Variants in SELENON observed in about 807,000 individuals in gnomAD.
The protein encoded by SELENON is selenoprotein N, 1.
Under a neutral mutation model 59.5 loss-of-function variants are expected in SELENON, and 44 were observed. The observed-to-expected ratio is 0.74, with a 90% CI of 0.58 to 0.95. SELENON has a LOEUF of 0.95. Ranked by LOEUF, SELENON falls within the 40% of genes least tolerant of loss-of-function variation. The pLI is 0.00. For synonymous variants in SELENON, 320 were observed against 305.6 expected, an observed-to-expected ratio of 1.05 and a Z score of -0.49; for missense variants, 674 against 721.4, an observed-to-expected ratio of 0.93 and a Z score of 0.75.
rs148071754 is a variant in SELENON, at chr1:25,811,541, C to T, written c.1092+6C>T. The T allele has an allele frequency of 3.2e-5, 52 of 1,613,616 alleles. No homozygotes were observed. Among genetic ancestry groups the T allele is most frequent in the Non-Finnish European group, 4.2e-5 (49 of 1,179,722 alleles). On this transcript the variant is annotated splice_donor_region_variant and intron_variant, in intron 8 of 12. Coordinates refer to ENST00000361547, the MANE Select transcript of SELENON (RefSeq NM_020451.3). Reference sequence around the variant, plus strand: ...ACATCGGCTACATACCCCAGGTGAGCGCACAGGAGGCTCCCATCCAGGTGG... The same window carrying T: ...ACATCGGCTACATACCCCAGGTGAGTGCACAGGAGGCTCCCATCCAGGTGG...
intron 3 of SELENON, among the ~76,000 whole-genome samples, chr1:25,804,117 G>C (rs1362231818): frequency 1.3e-5 from 2 of 152,118 alleles, no homozygotes; most frequent in African/African-American, 4.8e-5. Context: ...TTGCGTTTTG[G>C]AAAGTTTTAC....
Position 25,808,927 on chromosome 1 carries a change from T to C in SELENON, c.748-99T>C, listed in dbSNP as rs1014375125. On this transcript the variant is annotated intron_variant, in intron 5 of 12. Transcript: ENST00000361547. ...TTCCTCTGGACCTGCCCCCTCCCCA[T>C]GGGGCCCCTGGGCCGTCGGGTCTGG... 72 of 1,597,098 alleles carry C rather than the reference T, an allele frequency of 4.5e-5. 1 individual carries two copies. The South Asian group carries it at 6.2e-4, about 14-fold the overall frequency.
Position 25,808,724 on chromosome 1 carries a change from C to CTGAGCAT in SELENON, c.683_689dup (p.Met230IlefsTer?), listed in dbSNP as rs1553120055. On this transcript the variant is annotated frameshift_variant, in exon 5 of 13. Coordinates refer to ENST00000361547, the MANE Select transcript of SELENON (RefSeq NM_020451.3). LOFTEE classifies it high-confidence loss of function. ...GCCCTGGTGGATCATCCCCAGTGAG[C>CTGAGCAT]TGAGCATGTTCACTGGCTACCTGTC... 4 of 1,614,118 alleles carry CTGAGCAT rather than the reference C, an allele frequency of 2.5e-6. No individual in the cohort carries two copies. Among genetic ancestry groups the CTGAGCAT allele is most frequent in the Non-Finnish European group, 2.5e-6 (3 of 1,179,996 alleles).
chr1:25,812,564 A>AACACACAC lies in SELENON; in HGVS notation c.1282-88_1282-81dup, dbSNP rs59333545. The AACACACAC allele has an allele frequency of 0.055, 31,378 of 568,620 alleles. 466 individuals are homozygous for AACACACAC. The highest frequency in any genetic ancestry group is 0.14 in the East Asian group (4,305 of 31,398). 35.2% of individuals were successfully genotyped at this position (568,620 alleles called of 1,614,324 possible). On this transcript the variant is annotated intron_variant, in intron 9 of 12. Coordinates refer to ENST00000361547, the MANE Select transcript of SELENON (RefSeq NM_020451.3). ...ACACAAATATATATGCCTACACACA[A>AACACACAC]ACACACACACACACACACACACACA...
Position 25,800,213 on chromosome 1 carries a change from C to A in SELENON, c.-18C>A. 2 of 631,500 alleles carry A rather than the reference C, an allele frequency of 3.2e-6. No individual in the cohort carries two copies. Among genetic ancestry groups the A allele is most frequent in the Non-Finnish European group, 3.9e-6 (2 of 509,316 alleles). 39.1% of individuals were successfully genotyped at this position (631,500 alleles called of 1,614,324 possible). ...CTTTCGCTTCCCGGGCCGCCGGCAG[C>A]CGCCGCCAGCCGCAGCCATGGGCCG... On this transcript the variant is annotated 5_prime_UTR_variant, in exon 1 of 13. Transcript: ENST00000361547.
In SELENON at chr1:25,808,580, G is replaced by A. The variant is rs751053087; in HGVS notation, c.538G>A (p.Val180Ile). The stretch of plus-strand genomic sequence containing the variant: ...GGAGCTTTGCTTTCCCCCGCCCCAG[G>A]TCTCCCGCCTCGCCCTGTCCGGCCT... The change falls in exon 5 of 13, where the codon GTC becomes ATC. Residue 180 changes from valine (V) to isoleucine (I), a missense_variant and splice_region_variant. Coordinates refer to ENST00000361547, the MANE Select transcript of SELENON (RefSeq NM_020451.3). 6.2e-7 allele frequency: 1 copy of A among 1,613,360 alleles called. No individual in the cohort carries two copies. Among genetic ancestry groups the A allele is most frequent in the Middle Eastern group, 1.7e-4 (1 of 5,924 alleles).
intron 4 of SELENON, among the ~76,000 whole-genome samples, chr1:25,806,825 T>TTC (rs1405851651): frequency 4.0e-5 from 6 of 148,274 alleles, no homozygotes; most frequent in African/African-American, 1.5e-4. Context: ...CTTTCTTTTT[T>TTC]TTTTTTTTTT....
chr1:25,810,831 T>A (rs1297772614), intron 7 of SELENON, among the ~76,000 whole-genome samples: 1 of 152,042 alleles, frequency 6.6e-6, no homozygotes. Context: ...ATCGCAGGGT[T>A]GTTGAGGAGG....
chr1:25,811,328 G>A, intron 7 of SELENON, 126 bp from the exon 7 acceptor site: 1 of 883,300 alleles, frequency 1.1e-6, no homozygotes. Context: ...GAGAGCAGGT[G>A]TTCACCTTGA....
At chr1:25,808,483 C>A in intron 4 of SELENON, 97 bp from the exon 4 acceptor site, 1 of 1,428,162 alleles carries the variant, frequency 7.0e-7, no homozygotes, top group Non-Finnish European at 9.8e-7. Flanking sequence ...TTGGTGTGGG[C>A]TGGCTCGGGG....
At position 25,817,357 on chromosome 1, in the gene SELENON, GGT is replaced by G; in HGVS notation, c.*1641_*1642del. 1 of 152,408 alleles carries G rather than the reference GGT, an allele frequency of 6.6e-6. No individual in the cohort carries two copies. Among genetic ancestry groups the G allele is most frequent in the Non-Finnish European group, 1.5e-5 (1 of 68,122 alleles). The allele number at this position is 152,408 out of a possible 1,614,324, so 9.4% of individuals were successfully genotyped here. A position where few individuals can be genotyped will look rare whatever the true frequency, so the allele number is the denominator to read the frequency against. Reference sequence around the variant, plus strand: ...AGCCTCCCGAGTAGCTGGGATTACAGGTGCATGCCACCATGGCTGGCTAATTT... The same window carrying G: ...AGCCTCCCGAGTAGCTGGGATTACAGGCATGCCACCATGGCTGGCTAATTT... On this transcript the variant is annotated 3_prime_UTR_variant, in exon 13 of 13. Coordinates refer to ENST00000361547, the MANE Select transcript of SELENON (RefSeq NM_020451.3).
At chr1:25,803,718 T>G (rs200232438) in intron 3 of SELENON, among the ~76,000 whole-genome samples, 5 of 131,042 alleles carry the variant, frequency 3.8e-5, no homozygotes, top group Non-Finnish European at 8.8e-5. Flanking sequence ...GTTTTTTTGT[T>G]TTTTTTTTTG....
chr1:25,802,893 A>G (rs1177000944), intron 3 of SELENON, among the ~76,000 whole-genome samples: 1 of 152,182 alleles, frequency 6.6e-6, no homozygotes, highest in African/African-American at 2.4e-5. Context: ...TCAGTCATTG[A>G]TGGGAAAGGC....
In SELENON at chr1:25,808,746, T is replaced by C. The variant is rs755277779; in HGVS notation, c.704T>C (p.Leu235Pro). ...GAGCTGAGCATGTTCACTGGCTACC[T>C]GTCCAACAACCGCTTCTATCCACCG... Residue 235 changes from leucine (L) to proline (P), a missense_variant, in exon 5 of 13, where the codon CTG (leucine) becomes CCG (proline). Coordinates refer to ENST00000361547, the MANE Select transcript of SELENON (RefSeq NM_020451.3). 2.5e-6 allele frequency: 4 copies of C among 1,613,996 alleles called. No homozygotes were observed. The East Asian group carries it at 6.7e-5, about 27-fold the overall frequency.
chr1:25,805,419 C>G, intron 4 of SELENON, 144 bp downstream of exon 3: 1 of 1,126,572 alleles, frequency 8.9e-7, no homozygotes, highest in Admixed American at 1.9e-5. Flanking sequence ...GTTGTCCCTG[C>G]TGTCCAGGCA....
Position 25,814,114 on chromosome 1 carries a change from G to C in SELENON, c.1538G>C (p.Gly513Ala), listed in dbSNP as rs777697390. 1.2e-6 allele frequency: 2 copies of C among 1,614,172 alleles called. No individual in the cohort carries two copies. The highest frequency in any genetic ancestry group is 2.2e-5 in the South Asian group (2 of 91,084). Residue 513 changes from glycine (G) to alanine (A), a missense_variant, in exon 12 of 13, where the codon GGC (glycine) becomes GCC (alanine). Transcript: ENST00000361547. ...AACTCGTCCCACCAGAAGCTGGCTG[G>C]CCTGCACCTGGAGAAGTACAGCTTC...
At chr1:25,808,820 C>G in intron 5 of SELENON, 31 bp downstream of exon 4, 14 of 1,612,412 alleles carry the variant, frequency 8.7e-6, no homozygotes, top group Non-Finnish European at 1.1e-5. Context: ...ACGTGGGGCC[C>G]CTCCGCCCGA....
rs770106849 is a variant in SELENON at position 25,812,674 on chromosome 1, G to C, written c.1282-13G>C. On this transcript the variant is annotated splice_polypyrimidine_tract_variant and intron_variant, in intron 9 of 12. Coordinates refer to ENST00000361547, the MANE Select transcript of SELENON (RefSeq NM_020451.3). ...TTTGATGATGGCTTCGCTCTGTCTC[G>C]GTGTGGCCCCAGGTCTCCTACTTGC... 2.5e-6 allele frequency: 4 copies of C among 1,601,844 alleles called. No homozygotes were observed. Among genetic ancestry groups the C allele is most frequent in the Non-Finnish European group, 3.4e-6 (4 of 1,175,112 alleles).
rs200224030 is a variant in SELENON at position 25,808,587 on chromosome 1, G to A, written c.545G>A (p.Arg182His). ...TGCTTTCCCCCGCCCCAGGTCTCCC[G>A]CCTCGCCCTGTCCGGCCTCCGAAAC... Residue 182 changes from arginine (R) to histidine (H), a missense_variant, in exon 5 of 13, where the codon CGC becomes CAC. Arg to His is a conservative substitution (Grantham distance 29). Transcript: ENST00000361547. 22 of 1,613,416 alleles carry A rather than the reference G, an allele frequency of 1.4e-5. No homozygotes were observed. Among genetic ancestry groups the A allele is most frequent in the Admixed American group, 1.7e-5 (1 of 60,008 alleles).
Sources: allele counts gnomAD v4.1 joint callset (sites outside exome capture counted in the v4.1 genomes callset), GRCh38; gene constraint gnomAD v4.1.1; transcripts MANE v1.5; gene names NCBI Gene and HGNC (gene_info 2026-07-23, HGNC 2026-07-21).